EPRS1: variants seen among roughly 807,000 people sequenced by gnomAD.
EPRS1 encodes the protein glutamyl-prolyl-tRNA synthetase 1.
A neutral mutation model predicts 188.3 loss-of-function variants in EPRS1; 107 were observed. That is an observed-to-expected ratio of 0.57 (90% CI 0.49 to 0.67). EPRS1 has a LOEUF of 0.67. Ranked by LOEUF, EPRS1 falls within the 30% of genes least tolerant of loss-of-function variation. The pLI is 0.00. For synonymous variants in EPRS1, 596 were observed against 593.1 expected, an observed-to-expected ratio of 1.00 and a Z score of -0.07; for missense variants, 1,577 against 1,802.2, an observed-to-expected ratio of 0.88 and a Z score of 2.26.
chr1:220,006,286 AAGAGAT>A lies in EPRS1; in HGVS notation c.1764_1769del (p.Ser589_Leu590del), dbSNP rs1558052857. 6.4e-7 allele frequency: 1 copy of A among 1,574,796 alleles called. No homozygotes were observed. The highest frequency in any genetic ancestry group is 1.8e-5 in the Admixed American group (1 of 56,108). On this transcript the variant is annotated inframe_deletion, in exon 15 of 32. Transcript: ENST00000366923. ...TGTTTTCCAAATTCAACTTTGCATCAAGAGATATGATTTTTCCATCTGCATTTCTAG... is the reference window on the plus strand; with the variant it reads ...TGTTTTCCAAATTCAACTTTGCATCAATGATTTTTCCATCTGCATTTCTAG...
At position 220,019,051 on chromosome 1, in the gene EPRS1, C is replaced by T. The variant is rs769361309; in HGVS notation, c.1378G>A (p.Gly460Ser). 3 of 1,613,088 alleles carry T rather than the reference C, an allele frequency of 1.9e-6. No individual in the cohort carries two copies. Among genetic ancestry groups the T allele is most frequent in the Non-Finnish European group, 2.5e-6 (3 of 1,179,272 alleles). Residue 460 changes from glycine to serine, a missense_variant, in exon 11 of 32, where the codon GGT becomes AGT. Coordinates refer to ENST00000366923, the MANE Select transcript of EPRS1 (RefSeq NM_004446.3). The stretch of plus-strand genomic sequence containing the variant: ...ACTGTCATCCCTCTTCTCAGTACAC[C>T]ACGAACCGTAGGAAATCTTGGGTCA... ...WDDPRFPTVR[G>S]VLRRGMTVEG...
At chr1:219,985,196 C>A (rs374960520) in intron 20 of EPRS1, among the ~76,000 whole-genome samples, 15 of 152,068 alleles carry the variant, frequency 9.9e-5, no homozygotes, top group South Asian at 4.2e-4. Flanking sequence ...CTTTTTAAGG[C>A]AATGTATTTG....
chr1:220,031,488 C>T (rs1662082305), intron 5 of EPRS1, among the ~76,000 whole-genome samples: 1 of 152,176 alleles, frequency 6.6e-6, no homozygotes, highest in African/African-American at 2.4e-5. Flanking sequence ...CATGAGAAGT[C>T]ATAACAGGAC....
Position 220,023,422 on chromosome 1 carries a change from G to A in EPRS1, c.943+842C>T, listed in dbSNP as rs539269061. On this transcript the variant is annotated intron_variant, in intron 8 of 31. Coordinates refer to ENST00000366923, the MANE Select transcript of EPRS1 (RefSeq NM_004446.3). Reference sequence around the variant, plus strand: ...ATACTTCCCAAATGTGGCACTCCAGGTTTAATTATAGTGAAGTTCTGACAA... The same window carrying A: ...ATACTTCCCAAATGTGGCACTCCAGATTTAATTATAGTGAAGTTCTGACAA... 2.6e-5 allele frequency among the ~76,000 whole-genome samples: 4 copies of A among 152,128 alleles called. No individual in the cohort carries two copies. In the East Asian group the frequency reaches 7.7e-4, roughly 29 times the overall value.
intron 28 of EPRS1, among the ~76,000 whole-genome samples, chr1:219,975,743 A>G (rs1660763647): frequency 6.6e-6 from 1 of 152,080 alleles, no homozygotes. Context: ...GGTCCACCCT[A>G]TGGTTTTTTA....
intron 29 of EPRS1, among the ~76,000 whole-genome samples, chr1:219,972,403 TCTC>T (rs1488900484): frequency 1.3e-5 from 2 of 152,162 alleles, no homozygotes; most frequent in Non-Finnish European, 2.9e-5. Flanking sequence ...TGCTGTTAAA[TCTC>T]TAATGACCAT....
chr1:220,017,363 T>G (rs1359492144), intron 12 of EPRS1, among the ~76,000 whole-genome samples: 1 of 152,212 alleles, frequency 6.6e-6, no homozygotes, highest in African/African-American at 2.4e-5. Flanking sequence ...GTAAAATATA[T>G]TTCAGATATC....
intron 13 of EPRS1, among the ~76,000 whole-genome samples, chr1:220,009,059 A>C (rs1460757980): frequency 1.3e-5 from 2 of 152,244 alleles, no homozygotes; most frequent in Admixed American, 1.3e-4. Flanking sequence ...TCAAATTTTA[A>C]AATATTCAAT....
chr1:220,002,259 G>A (rs1419896107), intron 16 of EPRS1, among the ~76,000 whole-genome samples: 1 of 151,504 alleles, frequency 6.6e-6, no homozygotes, highest in East Asian at 1.9e-4. Flanking sequence ...TTGAACCCAG[G>A]AGATGGAGAT....
intron 21 of EPRS1, among the ~76,000 whole-genome samples, chr1:219,984,004 A>T (rs74139267): frequency 1.3e-3 from 198 of 152,076 alleles, no homozygotes; most frequent in African/African-American, 4.6e-3. Flanking sequence ...ATCAATCACT[A>T]TCTCATGGTA....
At chr1:219,980,283 T>A in intron 25 of EPRS1, 43 bp from the exon 26 acceptor site, 2 of 1,494,140 alleles carry the variant, frequency 1.3e-6, no homozygotes, top group Non-Finnish European at 1.8e-6. Flanking sequence ...TTAGGGTACA[T>A]TTATTCATTA....
At position 219,987,146 on chromosome 1, in the gene EPRS1, T is replaced by C. The variant is rs1374500074; in HGVS notation, c.3034A>G (p.Thr1012Ala). 1 of 1,604,528 alleles carries C rather than the reference T, an allele frequency of 6.2e-7. No individual in the cohort carries two copies. The highest frequency in any genetic ancestry group is 8.5e-7 in the Non-Finnish European group (1 of 1,177,322). ...AGEGQGPKKQTRLGLEAKKEE... is the reference protein window; with the variant it reads ...AGEGQGPKKQARLGLEAKKEE... ...GAAGTTTCTGCGATTCATTACCTGG[T>C]CTGTTTCTTAGGCCCCTGCCCTTCT... Residue 1012 changes from threonine to alanine, a missense_variant, in exon 20 of 32, where the codon ACC (threonine) becomes GCC (alanine). Transcript: ENST00000366923.
At position 220,024,360 on chromosome 1, in the gene EPRS1, G is replaced by A; in HGVS notation, c.847C>T (p.Leu283=). The change falls in exon 8 of 32, where the codon CTA becomes TTA. Residue 283 remains leucine (L), a synonymous_variant. Coordinates refer to ENST00000366923, the MANE Select transcript of EPRS1 (RefSeq NM_004446.3). The part of the protein sequence containing the change: ...FETIMKYAEK[L]IQEGKAYVDD... Reference sequence around the variant, plus strand: ...ACATAAGCCTTCCCTTCTTGAATTAGCTTCTCTGCATACTTCATTATAGTT... The same window carrying A: ...ACATAAGCCTTCCCTTCTTGAATTAACTTCTCTGCATACTTCATTATAGTT... The A allele has an allele frequency of 1.9e-6, 3 of 1,612,522 alleles. No homozygotes were observed. Among genetic ancestry groups the A allele is most frequent in the Non-Finnish European group, 2.5e-6 (3 of 1,178,680 alleles).
intron 16 of EPRS1, among the ~76,000 whole-genome samples, chr1:220,004,877 G>T (rs527754815): frequency 2.0e-5 from 3 of 151,554 alleles, no homozygotes; most frequent in Admixed American, 1.3e-4. Context: ...CCCTCTAAAT[G>T]TATGCTGTTT....
chr1:219,987,437 C>A, intron 19 of EPRS1, 33 bp from the exon 20 acceptor site: 1 of 1,536,210 alleles, frequency 6.5e-7, no homozygotes, highest in Non-Finnish European at 8.8e-7. Flanking sequence ...AAAGAGAAGA[C>A]AGTATTTAAC....
At chr1:219,999,382 G>A (rs928259119) in intron 17 of EPRS1, among the ~76,000 whole-genome samples, 3 of 152,018 alleles carry the variant, frequency 2.0e-5, no homozygotes, top group Admixed American at 1.3e-4. Flanking sequence ...CCACCAAGAA[G>A]GGGGATCTCT....
chr1:220,036,458 T>C (rs1198303971), intron 2 of EPRS1, among the ~76,000 whole-genome samples: 2 of 149,128 alleles, frequency 1.3e-5, no homozygotes, highest in South Asian at 2.1e-4. Flanking sequence ...ACACACTGGA[T>C]AAAGAAAATG....
intron 5 of EPRS1, 43 bp from the exon 6 acceptor site, chr1:220,030,523 A>G (rs1371886632): frequency 3.5e-6 from 5 of 1,437,198 alleles, no homozygotes; most frequent in Non-Finnish European, 4.9e-6. Flanking sequence ...TCTTATGGTT[A>G]AATGTCTAAG....
chr1:220,016,177 C>G (rs1454602081), intron 12 of EPRS1, among the ~76,000 whole-genome samples: 4 of 151,884 alleles, frequency 2.6e-5, no homozygotes, highest in Non-Finnish European at 5.9e-5. Flanking sequence ...AACCCCGTCT[C>G]CACTAAAAAT....
Sources: gnomAD v4.1 joint callset for allele counts (sites outside exome capture counted in the v4.1 genomes callset) on GRCh38, gnomAD v4.1.1 for gene constraint, MANE v1.5 for transcripts, NCBI Gene and HGNC (gene_info 2026-07-23, HGNC 2026-07-21) for gene names.